The following PPM1H variants were observed in gnomAD, a reference collection of about 807,000 sequenced individuals.
PPM1H encodes protein phosphatase, Mg2+/Mn2+ dependent 1H.
PPM1H carries 27 observed loss-of-function variants against 54.9 expected under a neutral mutation model. The observed-to-expected ratio is 0.49, with a 90% CI of 0.36 to 0.68. PPM1H has a LOEUF of 0.68. PPM1H is among the 30% of genes least tolerant of loss of function. The pLI, the probability that PPM1H is intolerant of heterozygous loss-of-function variation, is 0.00. For synonymous variants in PPM1H, 305 were observed against 270.8 expected (o/e 1.13, Z -1.24); for missense variants, 596 against 667.8 (o/e 0.89, Z 1.19).
At position 62,934,569 on chromosome 12, in the gene PPM1H, G is replaced by A; in HGVS notation, c.168C>T (p.Cys56=). The change falls in exon 1 of 10, where the codon TGC becomes TGT. Residue 56 remains cysteine, a synonymous_variant. Coordinates refer to ENST00000228705, the MANE Select transcript of PPM1H (RefSeq NM_020700.2). This position sits in a 1 kb window ranked among gnomAD's most constrained non-coding sequence, Gnocchi z 4.2. ...TGGGGCGGGCGATGTGGTCGGCGCT[G>A]CACTCCACCTCGTCCTGAGACAGCC... ...FLGLSQDEVE[C]SADHIARPIL... 1 of 1,556,996 alleles carries A rather than the reference G, an allele frequency of 6.4e-7. No homozygotes were observed. The highest frequency in any genetic ancestry group is 8.7e-7 in the Non-Finnish European group (1 of 1,151,580).
At chr12:62,858,072 A>G (rs910543800) in intron 1 of PPM1H, among the ~76,000 whole-genome samples, 5 of 151,632 alleles carry the variant, frequency 3.3e-5, no homozygotes, top group Non-Finnish European at 4.4e-5. Flanking sequence ...TACCACCACC[A>G]CCACCACCCC....
intron 6 of PPM1H, among the ~76,000 whole-genome samples, chr12:62,710,784 T>C (rs1463755801): frequency 6.6e-6 from 1 of 152,200 alleles, no homozygotes; most frequent in African/African-American, 2.4e-5. Flanking sequence ...TTTGTCTTTT[T>C]GTTTTCTAGC....
chr12:62,832,812 A>G (rs1387598288), intron 1 of PPM1H, among the ~76,000 whole-genome samples: 1 of 152,186 alleles, frequency 6.6e-6, no homozygotes, highest in Non-Finnish European at 1.5e-5. Context: ...AAGGCAAGCA[A>G]ATGGGTCAAA....
At chr12:62,835,424 GTTGTT>G (rs1868473911) in intron 1 of PPM1H, among the ~76,000 whole-genome samples, 1 of 152,204 alleles carries the variant, frequency 6.6e-6, no homozygotes, top group Non-Finnish European at 1.5e-5. Flanking sequence ...CAGCTCTTGG[GTTGTT>G]TTATTTTCCT....
intron 8 of PPM1H, among the ~76,000 whole-genome samples, chr12:62,683,069 ATTATTATT>A (rs1295652886): frequency 7.3e-6 from 1 of 137,884 alleles, no homozygotes; most frequent in Non-Finnish European, 1.5e-5. Context: ...TATTATTATT[ATTATTATT>A]ATTATTATTT....
chr12:62,664,183 G>A (rs1346433577), intron 9 of PPM1H, among the ~76,000 whole-genome samples: 1 of 152,096 alleles, frequency 6.6e-6, no homozygotes, highest in Non-Finnish European at 1.5e-5. Flanking sequence ...GACACAGGGG[G>A]ACATTTGGAT....
intron 2 of PPM1H, among the ~76,000 whole-genome samples, chr12:62,804,272 T>C (rs2120755703): frequency 6.6e-6 from 1 of 151,162 alleles, no homozygotes; most frequent in East Asian, 1.9e-4. Flanking sequence ...GAGAATCCCT[T>C]GAATCGAGGA....
At chr12:62,701,244 C>T (rs185618160) in intron 6 of PPM1H, among the ~76,000 whole-genome samples, 20 of 152,312 alleles carry the variant, frequency 1.3e-4, no homozygotes, top group East Asian at 1.2e-3. Context: ...TATGCTGTTC[C>T]GGCTGATGCT....
At chr12:62,776,522 G>A (rs1042939328) in intron 4 of PPM1H, among the ~76,000 whole-genome samples, 1 of 152,162 alleles carries the variant, frequency 6.6e-6, no homozygotes, top group Non-Finnish European at 1.5e-5. Flanking sequence ...TCTGGCATGA[G>A]GCATATTTGG....
intron 8 of PPM1H, among the ~76,000 whole-genome samples, chr12:62,669,123 T>G (rs2075938887): frequency 6.6e-6 from 1 of 152,254 alleles, no homozygotes; most frequent in African/African-American, 2.4e-5. Flanking sequence ...GCATGCTCAC[T>G]TAAGGCTAAA....
chr12:62,728,000 TA>T (rs35099953), intron 5 of PPM1H, among the ~76,000 whole-genome samples: 2 of 150,440 alleles, frequency 1.3e-5, no homozygotes, highest in African/African-American at 2.4e-5. Context: ...ACCCTCCGAT[TA>T]AAAAAAAAGG....
chr12:62,746,451 A>T (rs1036719177), intron 4 of PPM1H, among the ~76,000 whole-genome samples: 8 of 152,162 alleles, frequency 5.3e-5, no homozygotes, highest in Non-Finnish European at 1.5e-5. Context: ...TGACAACTCA[A>T]TTACCATATG....
At chr12:62,733,231 C>T (rs915721356) in intron 5 of PPM1H, among the ~76,000 whole-genome samples, 9 of 152,080 alleles carry the variant, frequency 5.9e-5, no homozygotes, top group African/African-American at 2.2e-4. Context: ...TCCTATTTTC[C>T]TCTCATAGTT....
At position 62,932,628 on chromosome 12, in the gene PPM1H, C is replaced by CTTTTTTTTTTTTTTTTTTTTTTT. The variant is rs61003358; in HGVS notation, c.245+1841_245+1863dup. 8.7e-4 allele frequency among the ~76,000 whole-genome samples: 47 copies of CTTTTTTTTTTTTTTTTTTTTTTT among 54,004 alleles called. 11 individuals carry two copies. The highest frequency in any genetic ancestry group is 2.4e-3 in the South Asian group (2 of 844). The allele number at this position is 54,004 out of a possible 152,430, so 35.4% of individuals were successfully genotyped here. The stretch of plus-strand genomic sequence containing the variant: ...CTGTCTCGTAAAGGGTCCAAATGGG[C>CTTTTTTTTTTTTTTTTTTTTTTT]TTTTTTTTTTTTTTTTTTTTTTTGA... On this transcript the variant is annotated intron_variant, in intron 1 of 9. Coordinates refer to ENST00000228705, the MANE Select transcript of PPM1H (RefSeq NM_020700.2).
At chr12:62,829,179 T>C (rs7955839) in intron 2 of PPM1H, among the ~76,000 whole-genome samples, 16,560 of 152,160 alleles carry the variant, frequency 0.11, 1,730 homozygotes, top group African/African-American at 0.28. Context: ...TCAGAATAGC[T>C]GAAAGGTAAA....
At chr12:62,874,369 T>C (rs930166018) in intron 1 of PPM1H, among the ~76,000 whole-genome samples, 5 of 152,302 alleles carry the variant, frequency 3.3e-5, no homozygotes, top group African/African-American at 1.2e-4. Flanking sequence ...ATCCAGGGAC[T>C]GCATCATGAT....
intron 8 of PPM1H, among the ~76,000 whole-genome samples, chr12:62,687,142 G>A (rs2076057984): frequency 6.6e-6 from 1 of 152,262 alleles, no homozygotes; most frequent in Admixed American, 6.5e-5. Flanking sequence ...AGAACTCCAT[G>A]TGAGGGCTGA....
At chr12:62,794,825 C>T (rs58863245) in intron 3 of PPM1H, among the ~76,000 whole-genome samples, 2,466 of 152,146 alleles carry the variant, frequency 0.016, 69 homozygotes, top group African/African-American at 0.056. Context: ...TTGTCCTGGG[C>T]CAAGCGACAA....
chr12:62,874,694 G>A (rs1202618711), intron 1 of PPM1H, among the ~76,000 whole-genome samples: 2 of 152,170 alleles, frequency 1.3e-5, no homozygotes, highest in African/African-American at 2.4e-5. Flanking sequence ...GAAAGTCCAA[G>A]ACCCAAAGTG....
Sources: allele counts gnomAD v4.1 joint callset (sites outside exome capture counted in the v4.1 genomes callset), GRCh38; gene constraint gnomAD v4.1.1; non-coding constraint Gnocchi (gnomAD v3.1); transcripts MANE v1.5; gene names NCBI Gene and HGNC (gene_info 2026-07-23, HGNC 2026-07-21).